Variants in MIGA1 observed in about 807,000 individuals in gnomAD.
MIGA1 encodes family with sequence similarity 73, member A.
In MIGA1, 58 loss-of-function variants were observed where a neutral mutation model predicts 82.0. That is an observed-to-expected ratio of 0.71 (90% CI 0.57 to 0.88). MIGA1 has a LOEUF of 0.88. MIGA1 is among the 40% of genes least tolerant of loss of function. The pLI is 0.00. For missense variants in MIGA1, 751 were observed against 749.1 expected, an observed-to-expected ratio of 1.00 and a Z score of -0.03; for synonymous variants, 249 against 253.6, an observed-to-expected ratio of 0.98 and a Z score of 0.17.
At position 77,847,211 on chromosome 1, in the gene MIGA1, A is replaced by G. The variant is rs1684876499; in HGVS notation, c.996+3804A>G. The G allele has an allele frequency of 3.3e-6, 4 of 1,228,834 alleles. No individual in the cohort carries two copies. In the Admixed American group the frequency reaches 6.7e-5, roughly 21 times the overall value. The allele number at this position is 1,228,834 out of a possible 1,614,324, so 76.1% of individuals were successfully genotyped here. ...TCAGTGTTTGGGAATGATTCTGATG[A>G]TGATGATGAGACCTCCATGAGTGAA... On this transcript the variant is annotated intron_variant, in intron 8 of 15. Coordinates refer to ENST00000370791, the MANE Select transcript of MIGA1 (RefSeq NM_198549.4).
intron 8 of MIGA1, among the ~76,000 whole-genome samples, chr1:77,851,325 A>C (rs1039768495): frequency 1.5e-4 from 23 of 152,158 alleles, no homozygotes; most frequent in African/African-American, 5.6e-4. Flanking sequence ...TTTTGGGAGA[A>C]GAATAATTTC....
intron 7 of MIGA1, among the ~76,000 whole-genome samples, chr1:77,816,908 G>T (rs183390523): frequency 1.3e-5 from 2 of 152,256 alleles, no homozygotes; most frequent in East Asian, 3.9e-4. Flanking sequence ...AAGTGGCACG[G>T]AATGCCACAG....
At chr1:77,793,407 T>C (rs564738164) in intron 2 of MIGA1, among the ~76,000 whole-genome samples, 2 of 152,130 alleles carry the variant, frequency 1.3e-5, no homozygotes, top group East Asian at 3.9e-4. Context: ...CCAGCCTATT[T>C]GCTTTTTTTA....
At chr1:77,786,733 A>G (rs1273323498) in intron 2 of MIGA1, among the ~76,000 whole-genome samples, 1 of 152,188 alleles carries the variant, frequency 6.6e-6, no homozygotes, top group Non-Finnish European at 1.5e-5. Flanking sequence ...TATTATTCAT[A>G]TCACTATCAG....
rs1438755173 is a variant in MIGA1 at position 77,877,512 on chromosome 1, CAT to C, written c.*2449_*2450del. 2 of 152,304 alleles carry C rather than the reference CAT, an allele frequency of 1.3e-5. No homozygotes were observed. The highest frequency in any genetic ancestry group is 2.9e-5 in the Non-Finnish European group (2 of 68,022). 9.4% of individuals were successfully genotyped at this position (152,304 alleles called of 1,614,324 possible). ...ACTGTTTACTTTTTATTTAATATTA[CAT>C]GTTTTTACCTTGTTGCGGTATCTTT... On this transcript the variant is annotated 3_prime_UTR_variant, in exon 16 of 16. Coordinates refer to ENST00000370791, the MANE Select transcript of MIGA1 (RefSeq NM_198549.4).
intron 2 of MIGA1, among the ~76,000 whole-genome samples, chr1:77,792,067 GAA>G (rs1244803632): frequency 2.0e-5 from 3 of 152,116 alleles, no homozygotes; most frequent in African/African-American, 7.2e-5. Context: ...ACATGAGAAA[GAA>G]AGAGTGGTGA....
rs202191692 is a variant in MIGA1 at position 77,809,107 on chromosome 1, AAAC to A, written c.637+2033_637+2035del. Among the ~76,000 whole-genome samples the A allele has an allele frequency of 3.8e-3, 577 of 151,572 alleles. 7 individuals are homozygous for A. The highest frequency in any genetic ancestry group is 0.031 in the South Asian group (149 of 4,798). ...CTGGGTGACAGAGCCCGTTTTCTTAAAACAACAACAACAACAACAACAACAACA... is the reference window on the plus strand; with the variant it reads ...CTGGGTGACAGAGCCCGTTTTCTTAAAACAACAACAACAACAACAACAACA... On this transcript the variant is annotated intron_variant, in intron 5 of 15. Coordinates refer to ENST00000370791, the MANE Select transcript of MIGA1 (RefSeq NM_198549.4).
rs1444260359 is a variant in MIGA1, at chr1:77,860,043, ATTCT to A, written c.1196_1199del (p.Leu399GlnfsTer20). The stretch of plus-strand genomic sequence containing the variant: ...TTGGGGATGAATATTTTTTCAGGTA[ATTCT>A]TTCAGAATCAGCTAACAGGATATTC... On this transcript the variant is annotated frameshift_variant, in exon 11 of 16. Transcript: ENST00000370791. LOFTEE classifies it high-confidence loss of function. 7 of 1,603,432 alleles carry A rather than the reference ATTCT, an allele frequency of 4.4e-6. No homozygotes were observed. The highest frequency in any genetic ancestry group is 1.3e-5 in the African/African-American group (1 of 74,390).
chr1:77,790,168 C>G (rs1682353419), intron 2 of MIGA1, among the ~76,000 whole-genome samples: 1 of 152,160 alleles, frequency 6.6e-6, no homozygotes, highest in South Asian at 2.1e-4. Context: ...TAATTCTATG[C>G]CAAGCCATTT....
rs1158615014 is a variant in MIGA1 at position 77,783,220 on chromosome 1, A to G, written c.82-18A>G. ...GAAATCTTTGTGGCTAATTTTTTTT[A>G]TGTTTCATTTAATGAAGATTAGAAG... On this transcript the variant is annotated intron_variant, in intron 1 of 15. Coordinates refer to ENST00000370791, the MANE Select transcript of MIGA1 (RefSeq NM_198549.4). 4 of 1,496,696 alleles carry G rather than the reference A, an allele frequency of 2.7e-6. No homozygotes were observed. The highest frequency in any genetic ancestry group is 3.7e-6 in the Non-Finnish European group (4 of 1,095,078). The allele number at this position is 1,496,696 out of a possible 1,614,324, so 92.7% of individuals were successfully genotyped here.
chr1:77,800,910 G>A (rs1682856061), intron 2 of MIGA1, among the ~76,000 whole-genome samples: 1 of 152,120 alleles, frequency 6.6e-6, no homozygotes, highest in African/African-American at 2.4e-5. Flanking sequence ...GGCTTATTTA[G>A]AAAGTATTTA....
chr1:77,864,940 A>G (rs779932456), intron 13 of MIGA1, among the ~76,000 whole-genome samples: 6 of 152,216 alleles, frequency 3.9e-5, no homozygotes, highest in Non-Finnish European at 8.8e-5. Flanking sequence ...CTTTAAAAAA[A>G]TGTTCCAGTT....
chr1:77,805,290 C>T (rs528497906), intron 4 of MIGA1, among the ~76,000 whole-genome samples: 11 of 150,964 alleles, frequency 7.3e-5, no homozygotes, highest in South Asian at 6.3e-4. Context: ...CCACCACACC[C>T]GGTCCCTTGC....
chr1:77,797,818 G>T (rs1682721622), intron 2 of MIGA1, among the ~76,000 whole-genome samples: 1 of 152,064 alleles, frequency 6.6e-6, no homozygotes, highest in African/African-American at 2.4e-5. Context: ...CTGTTATCTT[G>T]TGAAACTTAC....
chr1:77,815,966 G>C (rs374896816), intron 7 of MIGA1, among the ~76,000 whole-genome samples: 62 of 152,158 alleles, frequency 4.1e-4, no homozygotes, highest in African/African-American at 1.4e-3. Flanking sequence ...TTGAGGCAGA[G>C]TTTCACTCAC....
At chr1:77,859,196 T>G in intron 9 of MIGA1, 118 bp from the exon 10 acceptor site, 1 of 990,734 alleles carries the variant, frequency 1.0e-6, no homozygotes, top group South Asian at 1.4e-5. Context: ...GTTCTGTCAG[T>G]ATTGAAAAAA....
chr1:77,813,978 A>C, intron 6 of MIGA1, 111 bp downstream of exon 6: 1 of 1,099,884 alleles, frequency 9.1e-7, no homozygotes, highest in Non-Finnish European at 1.3e-6. Context: ...TGAGTCTTGA[A>C]CTCCTGGGCT....
At chr1:77,795,715 T>C (rs898758325) in intron 2 of MIGA1, among the ~76,000 whole-genome samples, 3 of 151,148 alleles carry the variant, frequency 2.0e-5, no homozygotes, top group Admixed American at 6.6e-5. Flanking sequence ...CTGCAACCTC[T>C]GCCTCCTGGG....
chr1:77,848,519 A>G, intron 8 of MIGA1: 2 of 1,239,038 alleles, frequency 1.6e-6, no homozygotes, highest in South Asian at 2.7e-5. Flanking sequence ...AGGGCAAAGA[A>G]TAAATTTCTT....
Sources: gnomAD v4.1 joint callset for allele counts (sites outside exome capture counted in the v4.1 genomes callset) on GRCh38, gnomAD v4.1.1 for gene constraint, MANE v1.5 for transcripts, NCBI Gene and HGNC (gene_info 2026-07-23, HGNC 2026-07-21) for gene names.